HS6ST3: variants seen among roughly 807,000 people sequenced by gnomAD.
HS6ST3 encodes heparan-sulfate 6-O-sulfotransferase 3.
Under a neutral mutation model 36.7 loss-of-function variants are expected in HS6ST3, and 12 were observed. The ratio of observed to expected loss-of-function variants is 0.33; its 90% CI spans 0.21 to 0.53. HS6ST3 has a LOEUF of 0.53. Among genes scored for constraint, HS6ST3 ranks in the 20% least tolerant of loss-of-function variants. The probability of loss-of-function intolerance (pLI) is 0.95; values close to 1 mark genes in which losing one functional copy is unlikely to be tolerated. For synonymous variants in HS6ST3, 240 were observed against 257.5 expected, an observed-to-expected ratio of 0.93 and a Z score of 0.65; for missense variants, 584 against 640.9, an observed-to-expected ratio of 0.91 and a Z score of 0.96.
In HS6ST3 at chr13:96,583,200, TTTTC is replaced by T. The variant is rs1269089796; in HGVS notation, c.708-249286_708-249283del. Among the ~76,000 whole-genome samples the T allele has an allele frequency of 3.5e-3, 361 of 103,914 alleles. 5 individuals carry two copies. Among genetic ancestry groups the T allele is most frequent in the African/African-American group, 0.012 (332 of 27,026 alleles). The allele number at this position is 103,914 out of a possible 152,430, so 68.2% of individuals were successfully genotyped here. On this transcript the variant is annotated intron_variant, in intron 1 of 1. Coordinates refer to ENST00000376705, the MANE Select transcript of HS6ST3 (RefSeq NM_153456.4). ...TTTTAATGGCTTCAATTTCTTTTTC[TTTTC>T]TTTTTTTTTTTTTTTTTTTTTTTTT... is the stretch of plus-strand genomic sequence containing the variant.
At chr13:96,410,212 A>G (rs1335025622) in intron 1 of HS6ST3, among the ~76,000 whole-genome samples, 4 of 152,212 alleles carry the variant, frequency 2.6e-5, no homozygotes, top group Non-Finnish European at 5.9e-5. Flanking sequence ...ACTCTGTAGA[A>G]CACTTAGACA....
chr13:96,159,254 G>A (rs1159790577), intron 1 of HS6ST3, among the ~76,000 whole-genome samples: 2 of 152,312 alleles, frequency 1.3e-5, no homozygotes, highest in East Asian at 1.9e-4. Context: ...GTGAAAAGGA[G>A]GAGAGTGAAT....
At chr13:96,246,860 G>A (rs1298154082) in intron 1 of HS6ST3, among the ~76,000 whole-genome samples, 1 of 152,144 alleles carries the variant, frequency 6.6e-6, no homozygotes, top group African/African-American at 2.4e-5. Flanking sequence ...TGTAAAAGAT[G>A]TGACAGGCTT....
chr13:96,439,244 A>C (rs1336038288), intron 1 of HS6ST3, among the ~76,000 whole-genome samples: 1 of 152,186 alleles, frequency 6.6e-6, no homozygotes, highest in African/African-American at 2.4e-5. Flanking sequence ...CTCTTTATCT[A>C]TTAGAAACAT....
intron 1 of HS6ST3, among the ~76,000 whole-genome samples, chr13:96,356,945 G>A (rs2055213138): frequency 6.6e-6 from 1 of 152,150 alleles, no homozygotes; most frequent in East Asian, 1.9e-4. Flanking sequence ...AGACCTTTTG[G>A]ATAACTTGCT....
intron 1 of HS6ST3, among the ~76,000 whole-genome samples, chr13:96,687,648 A>G (rs1874822452): frequency 6.6e-6 from 1 of 152,002 alleles, no homozygotes; most frequent in East Asian, 1.9e-4. Flanking sequence ...AGTACACACT[A>G]TGATCTGTAT....
In HS6ST3 at chr13:96,734,968, A is replaced by G. The variant is rs1876246078; in HGVS notation, c.708-97522A>G. Among the ~76,000 whole-genome samples the G allele has an allele frequency of 5.9e-5, 9 of 152,146 alleles. No homozygotes were observed. The South Asian group carries it at 1.9e-3, about 32-fold the overall frequency. On this transcript the variant is annotated intron_variant, in intron 1 of 1. Coordinates refer to ENST00000376705, the MANE Select transcript of HS6ST3 (RefSeq NM_153456.4). Reference sequence around the variant, plus strand: ...AGTTAAGAAGCATCTTCTAGAACAAACTCTGGCATTCTCCCCAAAAGCTGA... The same window carrying G: ...AGTTAAGAAGCATCTTCTAGAACAAGCTCTGGCATTCTCCCCAAAAGCTGA...
At chr13:96,365,546 TAAG>T (rs1389412603) in intron 1 of HS6ST3, among the ~76,000 whole-genome samples, 2 of 152,192 alleles carry the variant, frequency 1.3e-5, no homozygotes, top group Admixed American at 1.3e-4. Context: ...AGATTAATAA[TAAG>T]GAGTTTAAAA....
chr13:96,170,210 A>G (rs2054181064), intron 1 of HS6ST3, among the ~76,000 whole-genome samples: 1 of 152,202 alleles, frequency 6.6e-6, no homozygotes, highest in Non-Finnish European at 1.5e-5. Context: ...CGGGTGCTCT[A>G]TCTTTCCCAT....
At chr13:96,382,584 A>G (rs2055346693) in intron 1 of HS6ST3, among the ~76,000 whole-genome samples, 1 of 152,242 alleles carries the variant, frequency 6.6e-6, no homozygotes, top group Admixed American at 6.5e-5. Flanking sequence ...ATAGAAAATT[A>G]ATGAGTTTCA....
intron 1 of HS6ST3, among the ~76,000 whole-genome samples, chr13:96,184,200 CAAAAAAAAAAAA>C (rs796944357): frequency 1.4e-5 from 1 of 71,274 alleles, no homozygotes; most frequent in African/African-American, 6.4e-5. Flanking sequence ...ACTCTGTCTC[CAAAAAAAAAAAA>C]AAAAAAAAAA....
chr13:96,090,973 C>A lies in HS6ST3; in HGVS notation c.111C>A (p.Phe37Leu). ...SPSCTSSCTN[F>L]GEQPRAGEAG... ...CCTGCACCAGCTCCTGCACCAACTT[C>A]GGGGAGCAGCCCCGCGCGGGGGAGG... The change falls in exon 1 of 2, where the codon TTC (phenylalanine) becomes TTA (leucine). Residue 37 changes from phenylalanine (F) to leucine (L), a missense_variant. Coordinates refer to ENST00000376705, the MANE Select transcript of HS6ST3 (RefSeq NM_153456.4). The A allele has an allele frequency of 7.1e-7, 1 of 1,405,382 alleles. No individual in the cohort carries two copies. The highest frequency in any genetic ancestry group is 2.9e-5 in the East Asian group (1 of 34,482). 87.1% of individuals were successfully genotyped at this position (1,405,382 alleles called of 1,614,324 possible).
chr13:96,615,014 AT>A (rs1373386210), intron 1 of HS6ST3, among the ~76,000 whole-genome samples: 2 of 152,134 alleles, frequency 1.3e-5, no homozygotes, highest in African/African-American at 4.8e-5. Flanking sequence ...GATTCCATAC[AT>A]TTTTTACAAG....
chr13:96,371,890 G>A (rs565955832), intron 1 of HS6ST3, among the ~76,000 whole-genome samples: 2 of 151,954 alleles, frequency 1.3e-5, no homozygotes, highest in African/African-American at 2.4e-5. Flanking sequence ...TCACCTGTTC[G>A]TGGACGCTTA....
intron 1 of HS6ST3, among the ~76,000 whole-genome samples, chr13:96,776,403 C>T (rs1450577451): frequency 1.3e-5 from 2 of 152,086 alleles, no homozygotes; most frequent in Non-Finnish European, 2.9e-5. Context: ...AATCCAGGAG[C>T]TGGTTTTTTG....
intron 1 of HS6ST3, among the ~76,000 whole-genome samples, chr13:96,251,158 GT>G (rs1473071857): frequency 3.9e-5 from 6 of 152,272 alleles, no homozygotes; most frequent in African/African-American, 1.4e-4. Context: ...TAGAGGATAG[GT>G]GTTAATTCTT....
chr13:96,224,136 C>T (rs767571478), intron 1 of HS6ST3, among the ~76,000 whole-genome samples: 8 of 152,032 alleles, frequency 5.3e-5, no homozygotes, highest in African/African-American at 9.7e-5. Flanking sequence ...TATGGGTTTT[C>T]GAGATGTTCT....
At chr13:96,353,554 C>T (rs1363389916) in intron 1 of HS6ST3, among the ~76,000 whole-genome samples, 1 of 150,554 alleles carries the variant, frequency 6.6e-6, no homozygotes, top group Non-Finnish European at 1.5e-5. Flanking sequence ...AAAATGTTAC[C>T]AAACTTTTTT....
intron 1 of HS6ST3, among the ~76,000 whole-genome samples, chr13:96,440,507 A>AGGAAAGGACG (rs2055665442): frequency 6.9e-6 from 1 of 144,234 alleles, no homozygotes; most frequent in Non-Finnish European, 1.5e-5. Context: ...AGGAAAGGAA[A>AGGAAAGGACG]GGAAAGGAAA....
Sources: allele counts gnomAD v4.1 joint callset (sites outside exome capture counted in the v4.1 genomes callset), GRCh38; gene constraint gnomAD v4.1.1; transcripts MANE v1.5; gene names NCBI Gene and HGNC (gene_info 2026-07-23, HGNC 2026-07-21).